GZMA: variants seen among roughly 807,000 people sequenced by gnomAD.
GZMA encodes CTL tryptase.
GZMA carries 17 observed loss-of-function variants against 21.1 expected under a neutral mutation model. The ratio of observed to expected loss-of-function variants is 0.81; its 90% CI spans 0.55 to 1.21. The LOEUF is 1.21. Among genes scored for constraint, GZMA ranks in the 50% most tolerant of loss-of-function variants. The pLI is 0.00. For missense variants in GZMA, 306 were observed against 315.9 expected, an observed-to-expected ratio of 0.97 and a Z score of 0.24; for synonymous variants, 90 against 107.8, an observed-to-expected ratio of 0.83 and a Z score of 1.03.
intron 1 of GZMA, among the ~76,000 whole-genome samples, chr5:55,104,665 G>A (rs1441687573): frequency 3.3e-5 from 5 of 152,166 alleles, no homozygotes; most frequent in Admixed American, 6.6e-5. Context: ...TGGAGCACTC[G>A]GAGTGTATCA....
chr5:55,105,334 A>C (rs904550377), intron 1 of GZMA, 140 bp from the exon 2 acceptor site: 6 of 674,822 alleles, frequency 8.9e-6, no homozygotes, highest in Non-Finnish European at 1.2e-5. Context: ...GCGGGTCTAC[A>C]TAGAGTAAAA....
intron 4 of GZMA, among the ~76,000 whole-genome samples, chr5:55,108,843 A>C (rs1742457459): frequency 6.6e-6 from 1 of 152,162 alleles, no homozygotes; most frequent in Non-Finnish European, 1.5e-5. Flanking sequence ...ATGTCTGTCA[A>C]GCCTGGCTGA....
At chr5:55,104,619 A>G (rs1742353698) in intron 1 of GZMA, among the ~76,000 whole-genome samples, 1 of 152,170 alleles carries the variant, frequency 6.6e-6, no homozygotes, top group African/African-American at 2.4e-5. Context: ...CAGCAAAACT[A>G]TTTTGGGAGA....
Position 55,110,252 on chromosome 5 carries a change from A to C in GZMA, c.*70A>C. ...AAATAAAATCAATTTGCATGACTGT[A>C]CCTGTTTCTCTCTTGTAACCTTAGT... is the stretch of plus-strand genomic sequence containing the variant. On this transcript the variant is annotated 3_prime_UTR_variant, in exon 5 of 5. Transcript: ENST00000274306. The C allele has an allele frequency of 8.4e-7, 1 of 1,193,246 alleles. No homozygotes were observed. The highest frequency in any genetic ancestry group is 1.2e-6 in the Non-Finnish European group (1 of 848,810). 73.9% of individuals were successfully genotyped at this position (1,193,246 alleles called of 1,614,324 possible).
rs760988976 is a variant in GZMA at position 55,110,146 on chromosome 5, C to G, written c.753C>G (p.Leu251=). 2 of 1,608,530 alleles carry G rather than the reference C, an allele frequency of 1.2e-6. No individual in the cohort carries two copies. The highest frequency in any genetic ancestry group is 1.7e-5 in the Admixed American group (1 of 59,318). The change falls in exon 5 of 5, where the codon CTC becomes CTG. Residue 251 remains leucine (L), a synonymous_variant. Coordinates refer to ENST00000274306, the MANE Select transcript of GZMA (RefSeq NM_006144.4). ...GVYILLSKKH[L]NWIIMTIKGA... Reference sequence around the variant, plus strand: ...ATATTCTTCTCTCAAAGAAACACCTCAACTGGATAATTATGACTATCAAGG... The same window carrying G: ...ATATTCTTCTCTCAAAGAAACACCTGAACTGGATAATTATGACTATCAAGG...
In GZMA at chr5:55,105,455, G is replaced by T. The variant is rs765592019; in HGVS notation, c.71-19G>T. 11 of 1,608,088 alleles carry T rather than the reference G, an allele frequency of 6.8e-6. No individual in the cohort carries two copies. Among genetic ancestry groups the T allele is most frequent in the Non-Finnish European group, 9.3e-6 (11 of 1,176,734 alleles). On this transcript the variant is annotated intron_variant, in intron 1 of 4. Transcript: ENST00000274306. ...TTGGGGGTGAGCACCAATCTGATTT[G>T]TCTTTTTCCATTGAACAGATGTCTG...
intron 1 of GZMA, 99 bp from the exon 2 acceptor site, chr5:55,105,375 C>T: frequency 1.0e-6 from 1 of 1,004,658 alleles, no homozygotes; most frequent in African/African-American, 1.6e-5. Context: ...CAGACTTCCT[C>T]TCTGAGTGCA....
At chr5:55,106,257 TAAAATAAATA>T (rs1742410997) in intron 2 of GZMA, among the ~76,000 whole-genome samples, 1 of 2,092 alleles carries the variant, frequency 4.8e-4, no homozygotes, top group Non-Finnish European at 8.5e-4. Flanking sequence ...TAAAATAAAA[TAAAATAAATA>T]AAATAAAATA....
intron 1 of GZMA, 48 bp from the exon 2 acceptor site, chr5:55,105,426 C>T: frequency 6.4e-7 from 1 of 1,550,666 alleles, no homozygotes; most frequent in Non-Finnish European, 8.8e-7. Flanking sequence ...TTGTGTAGAG[C>T]TCTTTGGGGG....
intron 1 of GZMA, among the ~76,000 whole-genome samples, chr5:55,103,891 A>G (rs1002762054): frequency 6.6e-6 from 1 of 152,238 alleles, no homozygotes; most frequent in South Asian, 2.1e-4. Context: ...CTGTAATCCC[A>G]GCTACGCAGG....
chr5:55,108,225 G>C lies in GZMA; in HGVS notation c.458G>C (p.Trp153Ser). The C allele has an allele frequency of 6.2e-7, 1 of 1,613,672 alleles. No homozygotes were observed. Among genetic ancestry groups the C allele is most frequent in the Non-Finnish European group, 8.5e-7 (1 of 1,179,636 alleles). ...GGAACCATGTGCCAAGTTGCAGGGT[G>C]GGGCAGGACTCACAATAGTGCATCT... Reference protein sequence around the residue: ...KPGTMCQVAGWGRTHNSASWS... With the variant: ...KPGTMCQVAGSGRTHNSASWS... Residue 153 changes from tryptophan to serine, a missense_variant, in exon 4 of 5, where the codon TGG (tryptophan) becomes TCG (serine). Coordinates refer to ENST00000274306, the MANE Select transcript of GZMA (RefSeq NM_006144.4).
intron 2 of GZMA, 120 bp from the exon 3 acceptor site, chr5:55,107,674 G>C (rs1021899740): frequency 3.5e-6 from 2 of 577,306 alleles, no homozygotes; most frequent in Non-Finnish European, 5.9e-6. Context: ...TTCTTTCTGA[G>C]CCACAAAGAA....
In GZMA at chr5:55,105,727, C is replaced by G. The variant is rs539147387; in HGVS notation, c.215+109C>G. ...GTGGCTTACACCTGTAATCCCAGCA[C>G]TTTGGGAGGCCAAGGCAGGTGGATC... On this transcript the variant is annotated intron_variant, in intron 2 of 4. Coordinates refer to ENST00000274306, the MANE Select transcript of GZMA (RefSeq NM_006144.4). The G allele has an allele frequency of 4.8e-5, 45 of 928,846 alleles. No homozygotes were observed. The Admixed American group carries it at 9.5e-4, about 20-fold the overall frequency. 57.5% of individuals were successfully genotyped at this position (928,846 alleles called of 1,614,324 possible).
intron 1 of GZMA, among the ~76,000 whole-genome samples, chr5:55,103,589 G>A (rs1378176757): frequency 6.6e-6 from 1 of 152,184 alleles, no homozygotes; most frequent in Non-Finnish European, 1.5e-5. Flanking sequence ...GCTAGGAAGT[G>A]AGGACTACTC....
chr5:55,107,718 T>C lies in GZMA; in HGVS notation c.216-76T>C, dbSNP rs1349058238. 2.8e-6 allele frequency: 3 copies of C among 1,071,222 alleles called. No homozygotes were observed. The African/African-American group carries it at 4.8e-5, about 17-fold the overall frequency. 66.4% of individuals were successfully genotyped at this position (1,071,222 alleles called of 1,614,324 possible). A position where few individuals can be genotyped will look rare whatever the true frequency, so the allele number is the denominator to read the frequency against. On this transcript the variant is annotated intron_variant, in intron 2 of 4. Coordinates refer to ENST00000274306, the MANE Select transcript of GZMA (RefSeq NM_006144.4). ...ACCTCCATATTTACAAATGGGACAA[T>C]GAAACTGATCAGTATATATGCTCAA...
chr5:55,104,353 A>G (rs551279752), intron 1 of GZMA, among the ~76,000 whole-genome samples: 33 of 152,190 alleles, frequency 2.2e-4, no homozygotes, highest in African/African-American at 2.2e-4. Context: ...TTTTGTTTCT[A>G]TAAGCTCTTT....
At chr5:55,106,363 C>T (rs994474223) in intron 2 of GZMA, among the ~76,000 whole-genome samples, 2 of 149,282 alleles carry the variant, frequency 1.3e-5, no homozygotes, top group Non-Finnish European at 3.0e-5. Flanking sequence ...GTAGATCCCA[C>T]TGAAGCCATG....
rs1170801368 is a variant in GZMA at position 55,107,930 on chromosome 5, T to G, written c.352T>G (p.Leu118Val). The G allele has an allele frequency of 6.2e-7, 1 of 1,612,612 alleles. No homozygotes were observed. The highest frequency in any genetic ancestry group is 1.3e-5 in the African/African-American group (1 of 74,850). ...PATREGDLKL[L>V]QLMEKAKINK... ...CACACGCGAAGGTGACCTTAAACTT[T>G]TACAGGTACGTATCTTTGATTGTCT... Residue 118 changes from leucine (L) to valine (V), a missense_variant, in exon 3 of 5, where the codon TTA (leucine) becomes GTA (valine). Physicochemically the swap from Leu to Val is conservative, Grantham distance 32. Transcript: ENST00000274306.
rs1405484076 is a variant in GZMA, at chr5:55,102,646, A to C, written c.-37A>C. On this transcript the variant is annotated 5_prime_UTR_variant, in exon 1 of 5. Coordinates refer to ENST00000274306, the MANE Select transcript of GZMA (RefSeq NM_006144.4). ...ATAGAGGCAGTTAAGAACTGAAAACAGATTTTCAGGTTGATTGATGTGGGA... is the reference window on the plus strand; with the variant it reads ...ATAGAGGCAGTTAAGAACTGAAAACCGATTTTCAGGTTGATTGATGTGGGA... 3.0e-6 allele frequency: 4 copies of C among 1,311,840 alleles called. No homozygotes were observed. Among genetic ancestry groups the C allele is most frequent in the African/African-American group, 1.4e-5 (1 of 69,116 alleles). 81.3% of individuals were successfully genotyped at this position (1,311,840 alleles called of 1,614,324 possible).
Sources: allele counts gnomAD v4.1 joint callset (sites outside exome capture counted in the v4.1 genomes callset), GRCh38; gene constraint gnomAD v4.1.1; transcripts MANE v1.5; gene names NCBI Gene and HGNC (gene_info 2026-07-23, HGNC 2026-07-21).